CEP120: variants seen among roughly 807,000 people sequenced by gnomAD.
CEP120 encodes centrosomal protein 120, also known as centrosomal protein of 120 kDa.
CEP120 carries 113 observed loss-of-function variants against 126.5 expected under a neutral mutation model. The ratio of observed to expected loss-of-function variants is 0.89; its 90% CI spans 0.77 to 1.04. CEP120 has a LOEUF of 1.04. Ranked by LOEUF, CEP120 falls within the 50% of genes least tolerant of loss-of-function variation. CEP120 has a pLI of 0.00. For missense variants in CEP120, 1,230 were observed against 1,155.7 expected, an observed-to-expected ratio of 1.06 and a Z score of -0.93; for synonymous variants, 400 against 394.3, an observed-to-expected ratio of 1.01 and a Z score of -0.17.
Position 123,391,329 on chromosome 5 carries a change from G to C in CEP120, c.819C>G (p.Leu273=). The C allele has an allele frequency of 6.2e-7, 1 of 1,612,046 alleles. No individual in the cohort carries two copies. Among genetic ancestry groups the C allele is most frequent in the East Asian group, 2.2e-5 (1 of 44,874 alleles). The change falls in exon 7 of 20, where the codon CTC becomes CTG. Residue 273 remains leucine (L), a synonymous_variant. Coordinates refer to ENST00000306467, the MANE Select transcript of CEP120 (RefSeq NM_001375405.1). ...TTCCAAGTGACTGGTCTCCACAGCA[G>C]AGGTGAATCTAATATGAAAGGGAAA... is the stretch of plus-strand genomic sequence containing the variant. ...LALQSKLQIH[L]CCGDQSLGST...
At chr5:123,392,938 C>T (rs757255794) in intron 6 of CEP120, among the ~76,000 whole-genome samples, 2 of 152,168 alleles carry the variant, frequency 1.3e-5, no homozygotes, top group Non-Finnish European at 2.9e-5. Flanking sequence ...ATTTTGAAAT[C>T]GAGAGTGTGA....
intron 5 of CEP120, 47 bp downstream of exon 5, chr5:123,399,089 T>C (rs778641893): frequency 8.5e-6 from 12 of 1,405,546 alleles, no homozygotes; most frequent in Non-Finnish European, 6.7e-6. Context: ...ATGTTTTACA[T>C]AGTTTTCAAA....
At chr5:123,415,020 G>A (rs6868198) in intron 3 of CEP120, among the ~76,000 whole-genome samples, 56,764 of 134,920 alleles carry the variant, frequency 0.42, 11,319 homozygotes, top group East Asian at 0.51. Context: ...GCAGCACCAT[G>A]TTAAATAATA....
chr5:123,408,260 A>C (rs528175116), intron 4 of CEP120, among the ~76,000 whole-genome samples: 1 of 152,282 alleles, frequency 6.6e-6, no homozygotes, highest in South Asian at 2.1e-4. Flanking sequence ...GAAGATAATA[A>C]TAAAAATTAC....
intron 4 of CEP120, chr5:123,400,973 G>A (rs35348432): frequency 0.42 from 640,082 of 1,523,760 alleles, 136,693 homozygotes; most frequent in East Asian, 0.47. Flanking sequence ...CACGTGTCTC[G>A]ATCTTCACAA....
chr5:123,382,891 T>C lies in CEP120; in HGVS notation c.1861-2A>G. 6.2e-7 allele frequency: 1 copy of C among 1,612,370 alleles called. No homozygotes were observed. The highest frequency in any genetic ancestry group is 8.5e-7 in the Non-Finnish European group (1 of 1,179,292). On this transcript the variant is annotated splice_acceptor_variant, in intron 12 of 19. Coordinates refer to ENST00000306467, the MANE Select transcript of CEP120 (RefSeq NM_001375405.1). LOFTEE classifies it high-confidence loss of function. Reference sequence around the variant, plus strand: ...CTTTTGCTGTACGGCAGATACACCCTAAGAGATGAACCAAAAAGTACATTT... The same window carrying C: ...CTTTTGCTGTACGGCAGATACACCCCAAGAGATGAACCAAAAAGTACATTT...
intron 4 of CEP120, 82 bp downstream of exon 4, chr5:123,412,317 T>C (rs1366477422): frequency 2.2e-6 from 3 of 1,335,702 alleles, no homozygotes; most frequent in African/African-American, 3.0e-5. Context: ...TGCATATATG[T>C]CCCTATAACA....
chr5:123,346,280 A>G lies in CEP120; in HGVS notation c.*239T>C. ...GTTAGCCATCAGATTATAAACTATG[A>G]AAAACACTGAAAAGTCATTTAAAAT... is the stretch of plus-strand genomic sequence containing the variant. On this transcript the variant is annotated 3_prime_UTR_variant, in exon 20 of 20. Transcript: ENST00000306467. The G allele has an allele frequency of 2.5e-6, 1 of 396,174 alleles. No homozygotes were observed. Among genetic ancestry groups the G allele is most frequent in the Non-Finnish European group, 4.5e-6 (1 of 223,258 alleles). The allele number at this position is 396,174 out of a possible 1,614,324, so 24.5% of individuals were successfully genotyped here. A position where few individuals can be genotyped will look rare whatever the true frequency, so the allele number is the denominator to read the frequency against.
At position 123,383,289 on chromosome 5, in the gene CEP120, C is replaced by T. The variant is rs547292321; in HGVS notation, c.1764-207G>A. ...CATCACAAACACCCTGCTAAATACA[C>T]GCATACATTTACTACAAAATGACCC... On this transcript the variant is annotated intron_variant, in intron 11 of 19. Coordinates refer to ENST00000306467, the MANE Select transcript of CEP120 (RefSeq NM_001375405.1). Among the ~76,000 whole-genome samples the T allele has an allele frequency of 5.9e-5, 9 of 152,092 alleles. No homozygotes were observed. The East Asian group carries it at 1.7e-3, about 29-fold the overall frequency.
At chr5:123,407,869 G>T (rs1404296486) in intron 4 of CEP120, among the ~76,000 whole-genome samples, 1 of 152,026 alleles carries the variant, frequency 6.6e-6, no homozygotes, top group Non-Finnish European at 1.5e-5. Flanking sequence ...CTGCTGTCAG[G>T]CTACATAAAC....
chr5:123,365,919 C>G (rs755993761), intron 17 of CEP120, among the ~76,000 whole-genome samples: 2 of 151,256 alleles, frequency 1.3e-5, no homozygotes, highest in Non-Finnish European at 3.0e-5. Context: ...AGAGGGATTA[C>G]TTATACTCAA....
Position 123,423,035 on chromosome 5 carries a change from G to T in CEP120, c.-37C>A. Reference sequence around the variant, plus strand: ...GCGGTCCGGGGGCGAAGGCGGCTGGGGGGAAGTGAGGTCCAGTTGAGTCGC... The same window carrying T: ...GCGGTCCGGGGGCGAAGGCGGCTGGTGGGAAGTGAGGTCCAGTTGAGTCGC... On this transcript the variant is annotated 5_prime_UTR_variant, in exon 1 of 20. Transcript: ENST00000306467. 1 of 1,579,224 alleles carries T rather than the reference G, an allele frequency of 6.3e-7. No homozygotes were observed. Among genetic ancestry groups the T allele is most frequent in the Non-Finnish European group, 8.7e-7 (1 of 1,148,898 alleles).
At chr5:123,395,228 C>T (rs34004256) in intron 5 of CEP120, among the ~76,000 whole-genome samples, 109,740 of 152,098 alleles carry the variant, frequency 0.72, 39,806 homozygotes, top group African/African-American at 0.78. Flanking sequence ...TTAGAGACTA[C>T]TTTTTTCCTA....
intron 18 of CEP120, among the ~76,000 whole-genome samples, chr5:123,354,488 T>C (rs1769422675): frequency 1.3e-5 from 2 of 152,162 alleles, no homozygotes; most frequent in African/African-American, 2.4e-5. Flanking sequence ...AGGAGAGTTA[T>C]GGTAAAATCT....
At chr5:123,355,447 G>C (rs1306914010) in intron 18 of CEP120, among the ~76,000 whole-genome samples, 4 of 152,124 alleles carry the variant, frequency 2.6e-5, no homozygotes, top group Non-Finnish European at 5.9e-5. Flanking sequence ...TCCAGCACTT[G>C]TTGTTTCCTG....
At chr5:123,364,960 T>A (rs1174070729) in intron 17 of CEP120, among the ~76,000 whole-genome samples, 3 of 151,592 alleles carry the variant, frequency 2.0e-5, no homozygotes, top group African/African-American at 7.3e-5. Context: ...TAGCTGTAAC[T>A]CTAAATCTTA....
Position 123,416,140 on chromosome 5 carries a change from T to G in CEP120, c.207-16A>C. 6.8e-7 allele frequency: 1 copy of G among 1,476,898 alleles called. No homozygotes were observed. Among genetic ancestry groups the G allele is most frequent in the Non-Finnish European group, 9.4e-7 (1 of 1,065,024 alleles). 91.5% of individuals were successfully genotyped at this position (1,476,898 alleles called of 1,614,324 possible). A position where few individuals can be genotyped will look rare whatever the true frequency, so the allele number is the denominator to read the frequency against. ...ACGCTGTAGCCTATAACAAAACATG[T>G]GATAAATAAAATGGTTTTTGCTTAA... On this transcript the variant is annotated splice_polypyrimidine_tract_variant and intron_variant, in intron 2 of 19. Transcript: ENST00000306467.
intron 4 of CEP120, chr5:123,401,571 T>G: frequency 7.3e-7 from 1 of 1,376,046 alleles, no homozygotes; most frequent in South Asian, 1.2e-5. Context: ...GCGATGACGC[T>G]GTTCATGTCC....
At chr5:123,402,390 TAGA>T (rs1180031115) in intron 4 of CEP120, 1 of 1,323,582 alleles carries the variant, frequency 7.6e-7, no homozygotes, top group East Asian at 2.5e-5. Context: ...GCAGAGATCC[TAGA>T]AGGAGCGGAG....
Sources: gnomAD v4.1 joint callset for allele counts (sites outside exome capture counted in the v4.1 genomes callset) on GRCh38, gnomAD v4.1.1 for gene constraint, MANE v1.5 for transcripts, NCBI Gene and HGNC (gene_info 2026-07-23, HGNC 2026-07-21) for gene names.